The following SLC10A7 variants were observed in gnomAD, a reference collection of about 807,000 sequenced individuals.
The protein encoded by SLC10A7 is sodium/bile acid cotransporter 7.
Under a neutral mutation model 43.2 loss-of-function variants are expected in SLC10A7, and 29 were observed. That is an observed-to-expected ratio of 0.67 (90% confidence interval 0.50 to 0.92). The LOEUF is 0.92. Among genes scored for constraint, SLC10A7 ranks in the 40% least tolerant of loss-of-function variants. The pLI is 0.00. For missense variants in SLC10A7, 295 were observed against 403.2 expected (o/e 0.73, Z 2.30); for synonymous variants, 152 against 144.8 (o/e 1.05, Z -0.35).
chr4:146,482,830 C>T (rs953795354), intron 4 of SLC10A7, among the ~76,000 whole-genome samples: 1 of 151,930 alleles, frequency 6.6e-6, no homozygotes, highest in Non-Finnish European at 1.5e-5. Context: ...AAACAGAAAA[C>T]TTTAAAAGCA....
intron 5 of SLC10A7, among the ~76,000 whole-genome samples, chr4:146,378,879 T>C (rs1344751827): frequency 2.0e-5 from 3 of 151,190 alleles, no homozygotes; most frequent in African/African-American, 7.4e-5. Context: ...AGGCTGATGA[T>C]AGAAGATCAG....
intron 5 of SLC10A7, among the ~76,000 whole-genome samples, chr4:146,329,451 T>C (rs1050755295): frequency 1.3e-5 from 2 of 152,206 alleles, no homozygotes; most frequent in Admixed American, 1.3e-4. Context: ...CCTCACACTC[T>C]CTGACATAGG....
At chr4:146,427,345 C>A (rs55971059) in intron 5 of SLC10A7, among the ~76,000 whole-genome samples, 20,290 of 152,098 alleles carry the variant, frequency 0.13, 1,437 homozygotes, top group South Asian at 0.18. Context: ...GAAAAGTATT[C>A]TTCTTAATCT....
intron 5 of SLC10A7, among the ~76,000 whole-genome samples, chr4:146,419,335 C>T (rs1020146706): frequency 6.6e-6 from 1 of 152,148 alleles, no homozygotes; most frequent in African/African-American, 2.4e-5. Flanking sequence ...AAAAGTCACT[C>T]TTATCATTCT....
intron 5 of SLC10A7, among the ~76,000 whole-genome samples, chr4:146,438,184 GAA>G (rs1180784019): frequency 6.6e-6 from 1 of 152,010 alleles, no homozygotes; most frequent in Non-Finnish European, 1.5e-5. Flanking sequence ...AAAGCAGAGA[GAA>G]GACAGAACAA....
At chr4:146,458,651 T>A (rs1459661755) in intron 4 of SLC10A7, among the ~76,000 whole-genome samples, 1 of 151,870 alleles carries the variant, frequency 6.6e-6, no homozygotes, top group East Asian at 1.9e-4. Context: ...CTCTGCTATC[T>A]GGAAATCCCC....
chr4:146,505,360 T>C (rs1021092557), intron 3 of SLC10A7, among the ~76,000 whole-genome samples: 1 of 152,208 alleles, frequency 6.6e-6, no homozygotes, highest in Non-Finnish European at 1.5e-5. Flanking sequence ...ATTGTAAGAA[T>C]ATGTAATACA....
intron 5 of SLC10A7, among the ~76,000 whole-genome samples, chr4:146,357,819 A>T (rs1735761499): frequency 6.6e-6 from 1 of 152,158 alleles, no homozygotes; most frequent in African/African-American, 2.4e-5. Context: ...CTTGAAGCTG[A>T]GAGGCTGGAA....
intron 9 of SLC10A7, among the ~76,000 whole-genome samples, chr4:146,286,893 T>G: frequency 6.6e-6 from 1 of 151,604 alleles, no homozygotes; most frequent in African/African-American, 2.4e-5. Context: ...GGACTGCGTT[T>G]GGAGTGGTGA....
chr4:146,503,726 C>T, intron 4 of SLC10A7, 123 bp downstream of exon 4: 1 of 777,368 alleles, frequency 1.3e-6, no homozygotes, highest in Admixed American at 2.5e-5. Context: ...CTCCTTCTTT[C>T]ACAAGCTGCT....
chr4:146,279,875 T>G (rs1729435746), intron 10 of SLC10A7, among the ~76,000 whole-genome samples: 1 of 152,150 alleles, frequency 6.6e-6, no homozygotes, highest in South Asian at 2.1e-4. Context: ...TACGAAGAAC[T>G]AATCAATCAA....
chr4:146,279,758 G>A (rs929686966), intron 10 of SLC10A7, among the ~76,000 whole-genome samples: 2 of 152,116 alleles, frequency 1.3e-5, no homozygotes, highest in African/African-American at 4.8e-5. Flanking sequence ...AGGCTTTCCA[G>A]ATGGATTATG....
intron 6 of SLC10A7, among the ~76,000 whole-genome samples, chr4:146,322,983 C>A (rs186382479): frequency 2.0e-5 from 3 of 152,176 alleles, no homozygotes; most frequent in Non-Finnish European, 4.4e-5. Context: ...TGATGATGAG[C>A]ATTTTTTCAT....
chr4:146,304,370 G>A (rs1731388955), intron 7 of SLC10A7, among the ~76,000 whole-genome samples: 1 of 151,852 alleles, frequency 6.6e-6, no homozygotes, highest in Admixed American at 6.6e-5. Flanking sequence ...GTAAAGACTT[G>A]CTAGATGTCT....
intron 4 of SLC10A7, among the ~76,000 whole-genome samples, chr4:146,454,313 T>A (rs540334100): frequency 1.3e-5 from 2 of 151,932 alleles, no homozygotes; most frequent in Non-Finnish European, 2.9e-5. Flanking sequence ...TCAAAGGTGT[T>A]CAATTTCTAT....
chr4:146,504,524 A>C (rs891189507), intron 3 of SLC10A7, among the ~76,000 whole-genome samples: 7 of 151,626 alleles, frequency 4.6e-5, no homozygotes, highest in Non-Finnish European at 1.0e-4. Context: ...GTCTCAAAAA[A>C]AAAAAAAAAA....
intron 4 of SLC10A7, among the ~76,000 whole-genome samples, chr4:146,478,465 C>A (rs1734213141): frequency 6.6e-6 from 1 of 152,120 alleles, no homozygotes; most frequent in African/African-American, 2.4e-5. Flanking sequence ...CTTTAAGGCC[C>A]ATCAATCATC....
intron 5 of SLC10A7, among the ~76,000 whole-genome samples, chr4:146,397,077 C>A (rs1738883684): frequency 6.6e-6 from 1 of 152,016 alleles, no homozygotes; most frequent in South Asian, 2.1e-4. Context: ...AGAAGTTTTT[C>A]TTTCAAAGAT....
At chr4:146,390,361 G>A (rs1356392369) in intron 5 of SLC10A7, among the ~76,000 whole-genome samples, 2 of 152,178 alleles carry the variant, frequency 1.3e-5, no homozygotes, top group Non-Finnish European at 2.9e-5. Flanking sequence ...GGGTACAGTG[G>A]CTCACACCTG....
Sources: allele counts gnomAD v4.1 joint callset (sites outside exome capture counted in the v4.1 genomes callset), GRCh38; gene constraint gnomAD v4.1.1; transcripts MANE v1.5; gene names NCBI Gene and HGNC (gene_info 2026-07-23, HGNC 2026-07-21).